Variants in CACNG5 observed in about 807,000 individuals in gnomAD.
CACNG5 encodes calcium voltage-gated channel auxiliary subunit gamma 5.
CACNG5 carries 18 observed loss-of-function variants against 24.8 expected under a neutral mutation model. The observed-to-expected ratio is 0.73, with a 90% confidence interval of 0.50 to 1.08. The LOEUF is 1.08. Ranked by LOEUF, CACNG5 falls within the 50% of genes least tolerant of loss-of-function variation. CACNG5 has a pLI of 0.00. For synonymous variants in CACNG5, 157 were observed against 149.1 expected (o/e 1.05, Z -0.39); for missense variants, 349 against 367.9 (o/e 0.95, Z 0.42).
chr17:66,867,821 T>C (rs1976951476), intron 1 of CACNG5, among the ~76,000 whole-genome samples: 1 of 152,214 alleles, frequency 6.6e-6, no homozygotes, highest in African/African-American at 2.4e-5. Flanking sequence ...TTCTGTTACA[T>C]TGATCTATGT....
chr17:66,837,169 G>T (rs972847625), intron 1 of CACNG5, among the ~76,000 whole-genome samples: 18 of 152,314 alleles, frequency 1.2e-4, no homozygotes, highest in Non-Finnish European at 2.2e-4. Flanking sequence ...GGCTGGTGTT[G>T]TGGCCTCTGC....
intron 1 of CACNG5, among the ~76,000 whole-genome samples, chr17:66,850,618 A>G (rs560804892): frequency 1.3e-5 from 2 of 152,224 alleles, no homozygotes; most frequent in East Asian, 3.9e-4. Context: ...ACACACACAC[A>G]CACAATGCAG....
Position 66,877,221 on chromosome 17 carries a change from T to C in CACNG5, c.-103-9T>C. On this transcript the variant is annotated splice_polypyrimidine_tract_variant and intron_variant, in intron 1 of 5. Coordinates refer to ENST00000533854, the MANE Select transcript of CACNG5 (RefSeq NM_145811.3). ...TTTAGTTACTGGCTCCTCATCTTCG[T>C]CTTCTCAGAGCCGTGGGTACTGCCA... The C allele has an allele frequency of 1.4e-5, 12 of 845,188 alleles. No homozygotes were observed. Among genetic ancestry groups the C allele is most frequent in the Non-Finnish European group, 2.0e-5 (11 of 544,976 alleles). 52.4% of individuals were successfully genotyped at this position (845,188 alleles called of 1,614,324 possible).
In CACNG5 at chr17:66,885,338, C is replaced by A; in HGVS notation, c.*98C>A. 7.1e-7 allele frequency: 1 copy of A among 1,400,550 alleles called. No individual in the cohort carries two copies. Among genetic ancestry groups the A allele is most frequent in the Non-Finnish European group, 9.6e-7 (1 of 1,044,328 alleles). 86.8% of individuals were successfully genotyped at this position (1,400,550 alleles called of 1,614,324 possible). On this transcript the variant is annotated 3_prime_UTR_variant, in exon 6 of 6. Transcript: ENST00000533854. ...GCCCCAGGCCTGTGGTTGACAGGCCCAGGCCACCCATGCTTAGCTGTTGTC... is the reference window on the plus strand; with the variant it reads ...GCCCCAGGCCTGTGGTTGACAGGCCAAGGCCACCCATGCTTAGCTGTTGTC...
At position 66,885,145 on chromosome 17, in the gene CACNG5, G is replaced by T; in HGVS notation, c.733G>T (p.Asp245Tyr). ...DAWVRGRSPSDISSEASLQMN... is the reference protein window; with the variant it reads ...DAWVRGRSPSYISSEASLQMN... ...CTGGGTCAGGGGCCGCAGCCCCTCC[G>T]ACATCTCCAGCGAGGCCTCCCTGCA... is the stretch of plus-strand genomic sequence containing the variant. The change falls in exon 6 of 6, where the codon GAC (aspartate) becomes TAC (tyrosine). Residue 245 changes from aspartate (D) to tyrosine (Y), a missense_variant. Physicochemically the swap from Asp to Tyr is radical, Grantham distance 160. Coordinates refer to ENST00000533854, the MANE Select transcript of CACNG5 (RefSeq NM_145811.3). 1.2e-6 allele frequency: 2 copies of T among 1,613,706 alleles called. No individual in the cohort carries two copies. The highest frequency in any genetic ancestry group is 1.7e-6 in the Non-Finnish European group (2 of 1,179,982).
intron 1 of CACNG5, among the ~76,000 whole-genome samples, chr17:66,849,973 GA>G (rs2143043724): frequency 6.6e-6 from 1 of 152,294 alleles, no homozygotes; most frequent in East Asian, 1.9e-4. Context: ...TAAGGAAGAA[GA>G]ATTAAAATCC....
In CACNG5 at chr17:66,877,363, C is replaced by T. The variant is rs1415486191; in HGVS notation, c.31C>T (p.Leu11=). 1 of 1,614,154 alleles carries T rather than the reference C, an allele frequency of 6.2e-7. No homozygotes were observed. Residue 11 remains leucine (L), a synonymous_variant, in exon 2 of 6, where the codon CTG becomes TTG. Coordinates refer to ENST00000533854, the MANE Select transcript of CACNG5 (RefSeq NM_145811.3). The stretch of plus-strand genomic sequence containing the variant: ...TGCCTGCGGGAGGAAGGCCCTGACC[C>T]TGCTGAGCAGTGTCTTTGCTGTCTG... MSACGRKALT[L]LSSVFAVCGL...
chr17:66,883,264 T>C (rs931149668), intron 4 of CACNG5, among the ~76,000 whole-genome samples: 7 of 152,166 alleles, frequency 4.6e-5, no homozygotes, highest in Admixed American at 3.9e-4. Flanking sequence ...AACAGTAGCT[T>C]TGACATACGT....
chr17:66,878,291 C>T (rs186931611), intron 2 of CACNG5, among the ~76,000 whole-genome samples: 198 of 152,342 alleles, frequency 1.3e-3, no homozygotes, highest in South Asian at 5.6e-3. Context: ...AGTGTGGTCA[C>T]TGGGCTTTTC....
chr17:66,880,716 T>C lies in CACNG5; in HGVS notation c.424+19T>C, dbSNP rs1568072654. 4 of 1,611,164 alleles carry C rather than the reference T, an allele frequency of 2.5e-6. No individual in the cohort carries two copies. The highest frequency in any genetic ancestry group is 3.4e-6 in the Non-Finnish European group (4 of 1,178,670). ...CTCTCAGGTAAGTTGTGTTGTTTTC[T>C]TTTCTTGCACCCTGGAATTTTTTGT... On this transcript the variant is annotated intron_variant, in intron 4 of 5. Transcript: ENST00000533854.
chr17:66,886,184 A>G lies in CACNG5; in HGVS notation c.*944A>G, dbSNP rs1023215656. ...TGGAATCTTGTAGACATCTGTCTAAACCACCTAAGTGGAAGGTTGCCTTCG... is the reference window on the plus strand; with the variant it reads ...TGGAATCTTGTAGACATCTGTCTAAGCCACCTAAGTGGAAGGTTGCCTTCG... On this transcript the variant is annotated 3_prime_UTR_variant, in exon 6 of 6. Coordinates refer to ENST00000533854, the MANE Select transcript of CACNG5 (RefSeq NM_145811.3). 2.6e-5 allele frequency among the ~76,000 whole-genome samples: 4 copies of G among 152,212 alleles called. No homozygotes were observed. Among genetic ancestry groups the G allele is most frequent in the Admixed American group, 6.5e-5 (1 of 15,284 alleles).
chr17:66,861,071 C>G (rs1485258805), intron 1 of CACNG5, among the ~76,000 whole-genome samples: 1 of 152,012 alleles, frequency 6.6e-6, no homozygotes, highest in Admixed American at 6.5e-5. Context: ...CATATTTCTT[C>G]TCGACAGATA....
chr17:66,870,198 T>C (rs1976985763), intron 1 of CACNG5, among the ~76,000 whole-genome samples: 1 of 152,204 alleles, frequency 6.6e-6, no homozygotes, highest in African/African-American at 2.4e-5. Context: ...AGGCAGTTTT[T>C]ACATGGAGTT....
At chr17:66,860,856 CA>C (rs918968703) in intron 1 of CACNG5, among the ~76,000 whole-genome samples, 1 of 143,640 alleles carries the variant, frequency 7.0e-6, no homozygotes, top group Non-Finnish European at 1.5e-5. Context: ...ACTTTCTTGA[CA>C]TTTTTTTTTT....
chr17:66,839,535 G>A (rs909466648), intron 1 of CACNG5, among the ~76,000 whole-genome samples: 43 of 151,970 alleles, frequency 2.8e-4, no homozygotes, highest in African/African-American at 9.9e-4. Flanking sequence ...TGCCATTTTC[G>A]AAAGGAGCCC....
chr17:66,882,127 G>A (rs186016965), intron 4 of CACNG5, among the ~76,000 whole-genome samples: 1 of 152,230 alleles, frequency 6.6e-6, no homozygotes, highest in African/African-American at 2.4e-5. Flanking sequence ...CCCAAACAGG[G>A]GGTTGATGGT....
chr17:66,843,431 G>A (rs1463046552), intron 1 of CACNG5, among the ~76,000 whole-genome samples: 1 of 152,194 alleles, frequency 6.6e-6, no homozygotes, highest in Non-Finnish European at 1.5e-5. Context: ...GGTTATTGAA[G>A]TAATTTCTGT....
chr17:66,857,560 T>G (rs1485501992), intron 1 of CACNG5, among the ~76,000 whole-genome samples: 1 of 152,244 alleles, frequency 6.6e-6, no homozygotes, highest in African/African-American at 2.4e-5. Flanking sequence ...TAGTTTACAT[T>G]CTTTATTCAT....
At chr17:66,881,079 T>A (rs936028339) in intron 4 of CACNG5, among the ~76,000 whole-genome samples, 8 of 152,176 alleles carry the variant, frequency 5.3e-5, no homozygotes, top group Non-Finnish European at 1.0e-4. Context: ...AGGCTCTGCA[T>A]TGGAAAGTCC....
Sources: allele counts gnomAD v4.1 joint callset (sites outside exome capture counted in the v4.1 genomes callset), GRCh38; gene constraint gnomAD v4.1.1; transcripts MANE v1.5; gene names NCBI Gene and HGNC (gene_info 2026-07-23, HGNC 2026-07-21).